The following WDR41 variants were observed in gnomAD, a reference collection of about 807,000 sequenced individuals.
WDR41 encodes the protein WD repeat-containing protein 41.
WDR41 carries 63 observed loss-of-function variants against 69.3 expected under a neutral mutation model. That is an observed-to-expected ratio of 0.91 (90% CI 0.74 to 1.12). The LOEUF is 1.12. Among genes scored for constraint, WDR41 ranks in the 50% most tolerant of loss-of-function variants. The probability of loss-of-function intolerance (pLI) is 0.00; values close to 1 mark genes in which losing one functional copy is unlikely to be tolerated. For missense variants in WDR41, 543 were observed against 534.5 expected, an observed-to-expected ratio of 1.02 and a Z score of -0.16; for synonymous variants, 185 against 192.1, an observed-to-expected ratio of 0.96 and a Z score of 0.31.
At chr5:77,538,172 C>T (rs1236731042) in intron 1 of WDR41, among the ~76,000 whole-genome samples, 1 of 152,178 alleles carries the variant, frequency 6.6e-6, no homozygotes, top group Non-Finnish European at 1.5e-5. Context: ...TTATTTAGCT[C>T]CCACTTATGA....
intron 1 of WDR41, among the ~76,000 whole-genome samples, chr5:77,572,414 T>G (rs1330536078): frequency 6.6e-6 from 1 of 152,226 alleles, no homozygotes; most frequent in East Asian, 1.9e-4. Context: ...GAGTATTCAG[T>G]AATTGTTGCT....
At chr5:77,466,423 G>A (rs1048498366) in intron 2 of WDR41, among the ~76,000 whole-genome samples, 9 of 151,852 alleles carry the variant, frequency 5.9e-5, no homozygotes, top group African/African-American at 2.2e-4. Context: ...GGGAGGGCAG[G>A]ACTCAAGGTC....
At chr5:77,569,383 A>G (rs1249003688) in intron 1 of WDR41, among the ~76,000 whole-genome samples, 1 of 152,180 alleles carries the variant, frequency 6.6e-6, no homozygotes, top group East Asian at 1.9e-4. Flanking sequence ...TTTCCTATGG[A>G]AACTCATATT....
intron 1 of WDR41, among the ~76,000 whole-genome samples, chr5:77,503,849 C>T (rs1342477912): frequency 6.6e-6 from 1 of 152,088 alleles, no homozygotes; most frequent in Non-Finnish European, 1.5e-5. Flanking sequence ...ACACAACATA[C>T]CGGACTCTCT....
chr5:77,599,396 C>A (rs1458700579), intron 1 of WDR41, among the ~76,000 whole-genome samples: 3 of 151,956 alleles, frequency 2.0e-5, no homozygotes, highest in African/African-American at 7.2e-5. Context: ...GACGGGGTTT[C>A]ACCATTTTGG....
At position 77,489,580 on chromosome 5, in the gene WDR41, T is replaced by TAA; in HGVS notation, c.52-9_52-8insTT. 1.5e-6 allele frequency: 2 copies of TAA among 1,368,120 alleles called. No individual in the cohort carries two copies. The highest frequency in any genetic ancestry group is 1.7e-5 in the African/African-American group (1 of 57,936). The allele number at this position is 1,368,120 out of a possible 1,614,324, so 84.7% of individuals were successfully genotyped here. ...TGTCTGTAAAGGAGATTTCTTGTATTGAAAAAAAAAAAAAAGCAAAAAACA... is the reference window on the plus strand; with the variant it reads ...TGTCTGTAAAGGAGATTTCTTGTATTAAGAAAAAAAAAAAAAAGCAAAAAACA... On this transcript the variant is annotated splice_polypyrimidine_tract_variant and intron_variant, in intron 1 of 12. Transcript: ENST00000296679.
At chr5:77,476,037 G>A (rs1395461822) in intron 2 of WDR41, among the ~76,000 whole-genome samples, 1 of 152,144 alleles carries the variant, frequency 6.6e-6, no homozygotes. Flanking sequence ...AGAAGCCTCA[G>A]AAGCCGATGC....
At chr5:77,585,322 A>T (rs959773854) in intron 1 of WDR41, among the ~76,000 whole-genome samples, 80 of 152,204 alleles carry the variant, frequency 5.3e-4, no homozygotes, top group African/African-American at 1.7e-3. Flanking sequence ...ATCAAAAAAC[A>T]GTGTATGTTG....
rs1292527206 is a variant in WDR41, at chr5:77,523,313, A to AG, written c.43-33742_43-33741insC. On this transcript the variant is annotated intron_variant, in intron 1 of 5. Coordinates refer to the WDR41 transcript ENST00000509971. ...AGAGCCAGACTCCATCAAAAAAAAA[A>AG]AAAGATATATTTTCTACCTTTTAGA... 3.9e-5 allele frequency among the ~76,000 whole-genome samples: 6 copies of AG among 152,180 alleles called. No homozygotes were observed. In the South Asian group the frequency reaches 6.2e-4, roughly 16 times the overall value.
chr5:77,587,704 C>A (rs1744065672), intron 1 of WDR41, among the ~76,000 whole-genome samples: 1 of 152,076 alleles, frequency 6.6e-6, no homozygotes, highest in Non-Finnish European at 1.5e-5. Flanking sequence ...GAGACAGGGC[C>A]TTTGAAGAAG....
intron 1 of WDR41, among the ~76,000 whole-genome samples, chr5:77,589,234 T>C (rs989494059): frequency 6.6e-6 from 1 of 152,274 alleles, no homozygotes; most frequent in Middle Eastern, 3.4e-3. Context: ...TGAGAATGAA[T>C]TGTATATCTA....
chr5:77,542,598 A>C (rs1743112205), intron 1 of WDR41, among the ~76,000 whole-genome samples: 1 of 152,254 alleles, frequency 6.6e-6, no homozygotes, highest in Non-Finnish European at 1.5e-5. Context: ...CAATAACATA[A>C]TAACATATAA....
Position 77,431,421 on chromosome 5 carries a change from G to A in WDR41, c.*1714C>T, listed in dbSNP as rs1311967440. 6.6e-6 allele frequency: 1 copy of A among 152,180 alleles called. No homozygotes were observed. The highest frequency in any genetic ancestry group is 1.5e-5 in the Non-Finnish European group (1 of 68,028). The allele number at this position is 152,180 out of a possible 1,614,324, so 9.4% of individuals were successfully genotyped here. A position where few individuals can be genotyped will look rare whatever the true frequency, so the allele number is the denominator to read the frequency against. On this transcript the variant is annotated 3_prime_UTR_variant, in exon 13 of 13. Coordinates refer to ENST00000296679, the MANE Select transcript of WDR41 (RefSeq NM_018268.4). ...GTACATTTTTTAGAAATTTAAGACT[G>A]TAGTATAAACACAAGTTTTATAGGC...
chr5:77,605,374 G>T lies in WDR41; in HGVS notation c.42+15105C>A, dbSNP rs150395659. 4.7e-3 allele frequency among the ~76,000 whole-genome samples: 715 copies of T among 152,272 alleles called. 5 individuals are homozygous for T. The highest frequency in any genetic ancestry group is 0.016 in the African/African-American group (666 of 41,528). ...CTCTGCCAGATTTCCCAAAGCAGGG[G>T]TTACATACACTCTTTATTCATTAGT... On this transcript the variant is annotated intron_variant, in intron 1 of 5. Coordinates refer to the WDR41 transcript ENST00000509971.
intron 1 of WDR41, among the ~76,000 whole-genome samples, chr5:77,590,359 A>T (rs1249943896): frequency 6.6e-6 from 1 of 152,186 alleles, no homozygotes; most frequent in African/African-American, 2.4e-5. Context: ...ACCCAACAGG[A>T]TGTAGAGGAA....
intron 1 of WDR41, among the ~76,000 whole-genome samples, chr5:77,597,914 T>C (rs545940997): frequency 6.6e-6 from 1 of 152,078 alleles, no homozygotes; most frequent in East Asian, 1.9e-4. Flanking sequence ...AGAGAGGAGG[T>C]GATGGGAAAT....
At chr5:77,512,254 T>A (rs975367382) in intron 1 of WDR41, among the ~76,000 whole-genome samples, 23 of 151,788 alleles carry the variant, frequency 1.5e-4, no homozygotes, top group African/African-American at 5.6e-4. Context: ...TGGACACAAA[T>A]TTTTAAGTTT....
chr5:77,619,270 T>G (rs559356129), intron 1 of WDR41, among the ~76,000 whole-genome samples: 1 of 152,308 alleles, frequency 6.6e-6, no homozygotes, highest in East Asian at 1.9e-4. Context: ...GGATCATTTA[T>G]TCAACAAATA....
chr5:77,586,828 C>T (rs1454162715), intron 1 of WDR41, among the ~76,000 whole-genome samples: 1 of 150,444 alleles, frequency 6.6e-6, no homozygotes, highest in African/African-American at 2.5e-5. Flanking sequence ...AAGCGATTCT[C>T]CTGCCTCAGC....
Sources: allele counts gnomAD v4.1 joint callset (sites outside exome capture counted in the v4.1 genomes callset), GRCh38; gene constraint gnomAD v4.1.1; transcripts MANE v1.5; gene names NCBI Gene and HGNC (gene_info 2026-07-23, HGNC 2026-07-21).